The following GRID2 variants were observed in gnomAD, a reference collection of about 807,000 sequenced individuals.
GRID2 encodes glutamate receptor ionotropic, delta-2.
A neutral mutation model predicts 114.8 loss-of-function variants in GRID2; 33 were observed. The observed-to-expected ratio is 0.29, with a 90% CI of 0.22 to 0.38. The LOEUF (loss-of-function observed/expected upper bound fraction) is 0.38, where lower values mean the gene tolerates loss of function less well. Ranked by LOEUF, GRID2 falls within the 10% of genes least tolerant of loss-of-function variation. The probability of loss-of-function intolerance (pLI) is 1.00; values close to 1 mark genes in which losing one functional copy is unlikely to be tolerated. For missense variants in GRID2, 1,184 were observed against 1,257.7 expected, an observed-to-expected ratio of 0.94 and a Z score of 0.89; for synonymous variants, 505 against 449.9, an observed-to-expected ratio of 1.12 and a Z score of -1.55.
At chr4:92,894,258 G>A (rs1484466961) in intron 2 of GRID2, among the ~76,000 whole-genome samples, 1 of 152,036 alleles carries the variant, frequency 6.6e-6, no homozygotes, top group Non-Finnish European at 1.5e-5. Flanking sequence ...TGTTATGGTG[G>A]TCTTCTTTTA....
intron 8 of GRID2, among the ~76,000 whole-genome samples, chr4:93,390,874 C>T (rs543333517): frequency 1.8e-4 from 28 of 151,876 alleles, no homozygotes; most frequent in Admixed American, 1.2e-3. Flanking sequence ...TATATATATG[C>T]TGGTTCTCAT....
intron 13 of GRID2, among the ~76,000 whole-genome samples, chr4:93,599,736 A>C (rs146871547): frequency 1.3e-5 from 2 of 152,210 alleles, no homozygotes; most frequent in Admixed American, 6.5e-5. Context: ...CTGCACAAGG[A>C]AAGAGTCGCA....
intron 14 of GRID2, among the ~76,000 whole-genome samples, chr4:93,763,535 A>C (rs1273268435): frequency 6.6e-6 from 1 of 152,204 alleles, no homozygotes; most frequent in African/African-American, 2.4e-5. Flanking sequence ...GAAATCTCTG[A>C]AACTAAAGAA....
At chr4:93,455,162 G>A (rs1723068257) in intron 10 of GRID2, among the ~76,000 whole-genome samples, 1 of 152,026 alleles carries the variant, frequency 6.6e-6, no homozygotes, top group African/African-American at 2.4e-5. Flanking sequence ...TAACAAATCT[G>A]TTTAGAGCCC....
intron 1 of GRID2, among the ~76,000 whole-genome samples, chr4:92,546,118 G>T (rs1000033471): frequency 6.6e-6 from 1 of 151,898 alleles, no homozygotes; most frequent in Non-Finnish European, 1.5e-5. Context: ...TATTTATCTG[G>T]CACAGTTAAT....
At chr4:92,653,949 T>C (rs1732104099) in intron 2 of GRID2, among the ~76,000 whole-genome samples, 1 of 152,148 alleles carries the variant, frequency 6.6e-6, no homozygotes, top group Admixed American at 6.6e-5. Context: ...ACATGAGAAC[T>C]AATTTTAAGG....
chr4:92,456,005 G>A (rs1579396394), intron 1 of GRID2, among the ~76,000 whole-genome samples: 1 of 152,108 alleles, frequency 6.6e-6, no homozygotes, highest in Admixed American at 6.6e-5. Context: ...TTGGAAACGG[G>A]TTATATCAGT....
At chr4:92,475,907 T>C (rs1722286088) in intron 1 of GRID2, among the ~76,000 whole-genome samples, 1 of 152,048 alleles carries the variant, frequency 6.6e-6, no homozygotes, top group East Asian at 1.9e-4. Context: ...TTCCTAAATA[T>C]AATATTTTAC....
intron 14 of GRID2, among the ~76,000 whole-genome samples, chr4:93,727,491 C>T (rs1247770116): frequency 6.6e-6 from 1 of 152,158 alleles, no homozygotes; most frequent in Admixed American, 6.5e-5. Context: ...CAGGATGATG[C>T]TGGCCTCATA....
rs1014020302 is a variant in GRID2, at chr4:92,391,417, G to T, written c.88+86673G>T. 7.9e-5 allele frequency among the ~76,000 whole-genome samples: 12 copies of T among 152,094 alleles called. No homozygotes were observed. The South Asian group carries it at 2.5e-3, about 32-fold the overall frequency. Reference sequence around the variant, plus strand: ...CTTACTGTTACCTTGTGCTTAGTGTGAATATAAATATTAAATAATATTAAC... The same window carrying T: ...CTTACTGTTACCTTGTGCTTAGTGTTAATATAAATATTAAATAATATTAAC... On this transcript the variant is annotated intron_variant, in intron 1 of 15. Coordinates refer to ENST00000282020, the MANE Select transcript of GRID2 (RefSeq NM_001510.4).
rs184752324 is a variant in GRID2 at position 92,354,354 on chromosome 4, G to A, written c.88+49610G>A. ...AAATTTGGTTTTGATAGTTTCTGCT[G>A]GTTTTTTTATGTTTCTGTGGGGTAC... is the stretch of plus-strand genomic sequence containing the variant. On this transcript the variant is annotated intron_variant, in intron 1 of 15. Transcript: ENST00000282020. Among the ~76,000 whole-genome samples the A allele has an allele frequency of 5.6e-4, 85 of 151,956 alleles. 1 individual carries two copies. The highest frequency in any genetic ancestry group is 1.9e-3 in the African/African-American group (78 of 41,476).
At chr4:92,591,551 A>C (rs1424191536) in intron 2 of GRID2, among the ~76,000 whole-genome samples, 1 of 152,196 alleles carries the variant, frequency 6.6e-6, no homozygotes, top group African/African-American at 2.4e-5. Flanking sequence ...ACTGTAACAA[A>C]GTTGGGCAGG....
intron 4 of GRID2, among the ~76,000 whole-genome samples, chr4:93,197,796 C>A (rs1276293042): frequency 6.6e-6 from 1 of 152,068 alleles, no homozygotes; most frequent in Non-Finnish European, 1.5e-5. Context: ...GAATTCAAGC[C>A]CATTTACTCA....
intron 1 of GRID2, among the ~76,000 whole-genome samples, chr4:92,571,575 T>C (rs1184087189): frequency 6.6e-6 from 1 of 152,174 alleles, no homozygotes. Flanking sequence ...ATCAACAGAA[T>C]ATACATTCTT....
At chr4:93,224,060 T>A (rs1441669354) in intron 6 of GRID2, among the ~76,000 whole-genome samples, 1 of 152,144 alleles carries the variant, frequency 6.6e-6, no homozygotes, top group African/African-American at 2.4e-5. Flanking sequence ...AGATCCTTGA[T>A]CACTATAATA....
At chr4:92,598,582 T>C (rs1012356264) in intron 2 of GRID2, among the ~76,000 whole-genome samples, 2 of 152,164 alleles carry the variant, frequency 1.3e-5, no homozygotes, top group East Asian at 3.9e-4. Context: ...TACCTGCCTT[T>C]ATTTTATGTA....
At chr4:92,504,038 TATTA>T (rs1345652215) in intron 1 of GRID2, among the ~76,000 whole-genome samples, 3 of 152,096 alleles carry the variant, frequency 2.0e-5, no homozygotes, top group Non-Finnish European at 4.4e-5. Context: ...TGTAGTACAT[TATTA>T]ATTGTCAACT....
intron 10 of GRID2, among the ~76,000 whole-genome samples, chr4:93,424,118 C>A (rs1768607582): frequency 6.6e-6 from 1 of 151,630 alleles, no homozygotes; most frequent in South Asian, 2.1e-4. Context: ...TGTACTCACT[C>A]CTTTTTGATA....
At chr4:93,765,121 A>G (rs1733538477) in intron 14 of GRID2, among the ~76,000 whole-genome samples, 1 of 152,222 alleles carries the variant, frequency 6.6e-6, no homozygotes, top group African/African-American at 2.4e-5. Context: ...ATTATATTTT[A>G]CCACACTTGC....
Sources: allele counts gnomAD v4.1 joint callset (sites outside exome capture counted in the v4.1 genomes callset), GRCh38; gene constraint gnomAD v4.1.1; transcripts MANE v1.5; gene names NCBI Gene and HGNC (gene_info 2026-07-23, HGNC 2026-07-21).